Variants in PFDN6 observed in about 807,000 individuals in gnomAD.
PFDN6 encodes the protein HLA class II region expressed gene KE2.
PFDN6 carries 5 observed loss-of-function variants against 19.3 expected under a neutral mutation model. The ratio of observed to expected loss-of-function variants is 0.26; its 90% CI spans 0.14 to 0.55. The LOEUF (loss-of-function observed/expected upper bound fraction) is 0.55. Ranked by LOEUF, PFDN6 falls within the 20% of genes least tolerant of loss-of-function variation. PFDN6 has a pLI of 0.94. For synonymous variants in PFDN6, 51 were observed against 63.4 expected (o/e 0.80, Z 0.93); for missense variants, 101 against 149.4 (o/e 0.68, Z 1.69).
At chr6:33,290,532 A>G in intron 3 of PFDN6, 82 bp downstream of exon 3, 4 of 1,510,178 alleles carry the variant, frequency 2.6e-6, no homozygotes, top group Non-Finnish European at 3.6e-6. Context: ...CCATTGCAGA[A>G]CAGCTCTCCA....
intron 1 of PFDN6, 106 bp from the exon 2 acceptor site, chr6:33,290,068 T>G: frequency 7.4e-7 from 1 of 1,357,408 alleles, no homozygotes; most frequent in South Asian, 1.2e-5. Context: ...ACTCACCCGC[T>G]GCCCCCATCC....
upstream of PFDN6, chr6:33,289,545 A>G: frequency 1.1e-6 from 1 of 915,602 alleles, no homozygotes; most frequent in Non-Finnish European, 1.5e-6. Context: ...ATCAAGGGTC[A>G]GAAAGAAACT....
intron 3 of PFDN6, 124 bp from the exon 4 acceptor site, chr6:33,290,591 AC>A (rs1053245436): frequency 6.9e-7 from 1 of 1,457,584 alleles, no homozygotes; most frequent in Admixed American, 2.1e-5. Flanking sequence ...TTCCCTTTTA[AC>A]CCCCCTTCTT....
chr6:33,289,461 C>T (rs1767079630), upstream of PFDN6: 1 of 1,291,548 alleles, frequency 7.7e-7, no homozygotes, highest in Non-Finnish European at 9.8e-7. Flanking sequence ...GTTTCCCCAT[C>T]TTGCCTAAAA....
chr6:33,289,498 A>G (rs1234521403), upstream of PFDN6: 3 of 1,209,820 alleles, frequency 2.5e-6, no homozygotes, highest in African/African-American at 3.2e-5. Context: ...TTTTTAGCAG[A>G]ACTCCACTCC....
In PFDN6 at chr6:33,290,824, A is replaced by G; in HGVS notation, c.369A>G (p.Ala123=). Residue 123 remains alanine, a synonymous_variant, in exon 4 of 4, where the codon GCA becomes GCG. Coordinates refer to ENST00000374606, the MANE Select transcript of PFDN6 (RefSeq NM_001185181.3). ...QEFQRAQAAK[A]GAPGKA is the part of the protein sequence containing the mutation. ...TCCAGCGGGCCCAGGCAGCAAAGGC[A>G]GGGGCTCCTGGCAAGGCCTGACCCC... is the stretch of plus-strand genomic sequence containing the variant. 2 of 1,525,240 alleles carry G rather than the reference A, an allele frequency of 1.3e-6. No homozygotes were observed. Among genetic ancestry groups the G allele is most frequent in the South Asian group, 2.2e-5 (2 of 89,942 alleles). The allele number at this position is 1,525,240 out of a possible 1,614,324, so 94.5% of individuals were successfully genotyped here. A position where few individuals can be genotyped will look rare whatever the true frequency, so the allele number is the denominator to read the frequency against.
At position 33,290,400 on chromosome 6, in the gene PFDN6, G is replaced by A; in HGVS notation, c.210G>A (p.Gly70=). 2 of 1,603,784 alleles carry A rather than the reference G, an allele frequency of 1.2e-6. No homozygotes were observed. The highest frequency in any genetic ancestry group is 1.7e-6 in the Non-Finnish European group (2 of 1,174,740). Reference sequence around the variant, plus strand: ...CGGTGCTAGTCAAACAGGAGCTGGGGGAGGCTCGGGCCACAGTAGGGAAGA... The same window carrying A: ...CGGTGCTAGTCAAACAGGAGCTGGGAGAGGCTCGGGCCACAGTAGGGAAGA... ...LGPVLVKQEL[G]EARATVGKRL... Residue 70 remains glycine (G), a synonymous_variant, in exon 3 of 4, where the codon GGG becomes GGA. Transcript: ENST00000374606.
chr6:33,290,798 T>C lies in PFDN6; in HGVS notation c.343T>C (p.Phe115Leu), dbSNP rs1285211239. ...RETLAQLQQEFQRAQAAKAGA... is the reference protein window; with the variant it reads ...RETLAQLQQELQRAQAAKAGA... ...GACCCTTGCTCAGCTGCAGCAGGAG[T>C]TCCAGCGGGCCCAGGCAGCAAAGGC... The change falls in exon 4 of 4, where the codon TTC becomes CTC. Residue 115 changes from phenylalanine to leucine, a missense_variant. By Grantham distance (22) the Phe-to-Leu change is conservative. Transcript: ENST00000374606. 2.5e-6 allele frequency: 4 copies of C among 1,605,844 alleles called. No homozygotes were observed. The Admixed American group carries it at 5.0e-5, about 20-fold the overall frequency.
At chr6:33,289,455 C>G, upstream of PFDN6, 1 of 1,291,954 alleles carries the variant, frequency 7.7e-7, no homozygotes, top group Non-Finnish European at 9.8e-7. Flanking sequence ...GGATTAGTTT[C>G]CCCATCTTGC....
At chr6:33,290,274 G>A in intron 2 of PFDN6, 30 bp downstream of exon 2, 1 of 1,614,114 alleles carries the variant, frequency 6.2e-7, no homozygotes, top group Non-Finnish European at 8.5e-7. Context: ...GGGGCGAGGA[G>A]GGACCTGTAC....
upstream of PFDN6, chr6:33,289,451 G>A (rs1767077652): frequency 1.5e-6 from 2 of 1,292,192 alleles, no homozygotes; most frequent in Admixed American, 3.7e-5. Context: ...TTCTGGATTA[G>A]TTTCCCCATC....
chr6:33,290,114 G>A, intron 1 of PFDN6, 60 bp from the exon 2 acceptor site: 1 of 1,552,390 alleles, frequency 6.4e-7, no homozygotes, highest in Non-Finnish European at 8.9e-7. Flanking sequence ...CACCTGACTA[G>A]GATTGTGGGG....
At chr6:33,289,487 C>CT, upstream of PFDN6, 3 of 1,259,802 alleles carry the variant, frequency 2.4e-6, no homozygotes, top group Non-Finnish European at 3.0e-6. Context: ...CTAGTCTAGT[C>CT]TTTTTAGCAG....
Position 33,289,774 on chromosome 6 carries a change from G to C in PFDN6, c.-83G>C. 2 of 1,162,656 alleles carry C rather than the reference G, an allele frequency of 1.7e-6. No homozygotes were observed. Among genetic ancestry groups the C allele is most frequent in the Non-Finnish European group, 2.4e-6 (2 of 819,162 alleles). 72.0% of individuals were successfully genotyped at this position (1,162,656 alleles called of 1,614,324 possible). On this transcript the variant is annotated 5_prime_UTR_variant, in exon 1 of 4. Coordinates refer to ENST00000374606, the MANE Select transcript of PFDN6 (RefSeq NM_001185181.3). ...AGAGTGCTATCATTTCCGCAGGCCA[G>C]ATCAGAAAAGGGAGCTCAGGTACCT...
chr6:33,289,312 AGGG>A, upstream of PFDN6: 1 of 1,451,218 alleles, frequency 6.9e-7, no homozygotes, highest in Non-Finnish European at 9.0e-7. Flanking sequence ...ATCTTGAGTG[AGGG>A]CACGCTCTCC....
At chr6:33,289,236 AC>A, upstream of PFDN6, 3 of 1,555,704 alleles carry the variant, frequency 1.9e-6, no homozygotes, top group African/African-American at 1.4e-5. Context: ...CGGCTTGAAA[AC>A]TCCCGGAAGC....
chr6:33,289,231 T>C (rs1767051004), upstream of PFDN6: 1 of 1,571,634 alleles, frequency 6.4e-7, no homozygotes, highest in Admixed American at 1.9e-5. Context: ...ACAGTCGGCT[T>C]GAAAACTCCC....
At chr6:33,289,304 C>G (rs1422612706), upstream of PFDN6, 2 of 1,462,062 alleles carry the variant, frequency 1.4e-6, no homozygotes, top group Non-Finnish European at 1.8e-6. Flanking sequence ...TAGGTGCCAT[C>G]TTGAGTGAGG....
chr6:33,289,992 G>A, intron 1 of PFDN6, 72 bp downstream of exon 1: 1 of 1,460,314 alleles, frequency 6.8e-7, no homozygotes. Flanking sequence ...GATAAGGTTT[G>A]TTGCCCCATC....
Sources: allele counts gnomAD v4.1 joint callset, GRCh38; gene constraint gnomAD v4.1.1; transcripts MANE v1.5; gene names NCBI Gene and HGNC (gene_info 2026-07-23, HGNC 2026-07-21).